Variants in NDC80 observed in about 807,000 individuals in gnomAD.
The protein encoded by NDC80 is NDC80 kinetochore complex component.
In NDC80, 69 loss-of-function variants were observed where a neutral mutation model predicts 89.3. The ratio of observed to expected loss-of-function variants is 0.77; its 90% confidence interval spans 0.64 to 0.94. The LOEUF (loss-of-function observed/expected upper bound fraction) is 0.94, where lower values mean the gene tolerates loss of function less well. NDC80 is among the 40% of genes least tolerant of loss of function. NDC80 has a pLI of 0.00. For missense variants in NDC80, 593 were observed against 739.6 expected (o/e 0.80, Z 2.30); for synonymous variants, 243 against 255.6 (o/e 0.95, Z 0.47).
chr18:2,613,426 T>G lies in NDC80; in HGVS notation c.1791+2565T>G, dbSNP rs76759764. On this transcript the variant is annotated intron_variant, in intron 16 of 16. Coordinates refer to ENST00000261597, the MANE Select transcript of NDC80 (RefSeq NM_006101.3). ...CTGTAATAACTAGCACATTGTAGTA[T>G]TGATGCAGAAAGACCAGTCTCTGTG... Among the ~76,000 whole-genome samples, 1,160 of 152,298 alleles carry G rather than the reference T, an allele frequency of 7.6e-3. 23 individuals carry two copies. The highest frequency in any genetic ancestry group is 0.026 in the African/African-American group (1,100 of 41,538).
chr18:2,579,711 G>A (rs1182475361), intron 6 of NDC80, among the ~76,000 whole-genome samples: 1 of 152,228 alleles, frequency 6.6e-6, no homozygotes, highest in Admixed American at 6.5e-5. Flanking sequence ...ACAGGCCTAA[G>A]CCACCATGAC....
At chr18:2,591,100 A>C (rs913313747) in intron 10 of NDC80, among the ~76,000 whole-genome samples, 1 of 152,114 alleles carries the variant, frequency 6.6e-6, no homozygotes, top group African/African-American at 2.4e-5. Flanking sequence ...GCTATCCTCC[A>C]TCACTACCGC....
At chr18:2,605,818 G>A (rs2072708619) in intron 13 of NDC80, among the ~76,000 whole-genome samples, 1 of 151,880 alleles carries the variant, frequency 6.6e-6, no homozygotes, top group African/African-American at 2.4e-5. Flanking sequence ...TCTATTAATT[G>A]CTGACATCAA....
At chr18:2,605,397 G>A (rs2072706423) in intron 13 of NDC80, among the ~76,000 whole-genome samples, 1 of 151,140 alleles carries the variant, frequency 6.6e-6, no homozygotes, top group South Asian at 2.1e-4. Flanking sequence ...TGCAGCTTTA[G>A]TAATGCTGAC....
intron 15 of NDC80, among the ~76,000 whole-genome samples, chr18:2,610,274 T>G (rs2072735882): frequency 6.6e-6 from 1 of 152,162 alleles, no homozygotes; most frequent in Admixed American, 6.5e-5. Context: ...AACTGAAAAA[T>G]TTTCTATTTT....
chr18:2,574,696 G>T (rs1293817895), intron 2 of NDC80, among the ~76,000 whole-genome samples: 2 of 151,976 alleles, frequency 1.3e-5, no homozygotes, highest in Non-Finnish European at 2.9e-5. Flanking sequence ...TATTAAAAAT[G>T]AGATGAGTAA....
chr18:2,575,477 G>C (rs1332611450), intron 3 of NDC80, among the ~76,000 whole-genome samples: 1 of 151,988 alleles, frequency 6.6e-6, no homozygotes, highest in Admixed American at 6.6e-5. Flanking sequence ...AGCCAGGCAG[G>C]CATGCAGACC....
chr18:2,611,008 A>T, intron 16 of NDC80, 147 bp downstream of exon 16: 1 of 374,976 alleles, frequency 2.7e-6, no homozygotes, highest in Non-Finnish European at 4.7e-6. Flanking sequence ...AATCTTGTCT[A>T]GTGATGTGGC....
chr18:2,604,914 G>A (rs1410472491), intron 13 of NDC80, among the ~76,000 whole-genome samples: 1 of 152,094 alleles, frequency 6.6e-6, no homozygotes, highest in East Asian at 1.9e-4. Context: ...GAATAGATGA[G>A]AGGTGCATGA....
Position 2,573,102 on chromosome 18 carries a change from G to A in NDC80, c.101+16G>A. 6.3e-7 allele frequency: 1 copy of A among 1,589,462 alleles called. No homozygotes were observed. The highest frequency in any genetic ancestry group is 8.6e-7 in the Non-Finnish European group (1 of 1,163,284). On this transcript the variant is annotated intron_variant, in intron 2 of 16. Transcript: ENST00000261597. ...CCCCTCAAACGTGAGTATTTCCCTT[G>A]TGGTTCTAATTTGCATGCTTTATCA... is the stretch of plus-strand genomic sequence containing the variant.
chr18:2,574,534 A>G (rs1333151158), intron 2 of NDC80, among the ~76,000 whole-genome samples: 1 of 152,196 alleles, frequency 6.6e-6, no homozygotes, highest in Admixed American at 6.5e-5. Flanking sequence ...AAAATCAGAA[A>G]GTAATAATAA....
chr18:2,573,230 A>G (rs757556583), intron 2 of NDC80, 144 bp downstream of exon 2: 21 of 625,142 alleles, frequency 3.4e-5, no homozygotes, highest in Non-Finnish European at 5.3e-5. Flanking sequence ...TTTTGGATCA[A>G]TGAAATCTAA....
chr18:2,593,350 T>C (rs1046325298), intron 10 of NDC80, among the ~76,000 whole-genome samples: 5 of 152,196 alleles, frequency 3.3e-5, no homozygotes, highest in Non-Finnish European at 5.9e-5. Context: ...GTATAAATTA[T>C]ATTCTTATGC....
At chr18:2,583,200 A>G (rs1444817734) in intron 6 of NDC80, among the ~76,000 whole-genome samples, 1 of 152,216 alleles carries the variant, frequency 6.6e-6, no homozygotes, top group Non-Finnish European at 1.5e-5. Context: ...CCTAGTTCAC[A>G]ATTCTTCAGT....
intron 13 of NDC80, among the ~76,000 whole-genome samples, chr18:2,605,653 A>AATAATAG (rs559640819): frequency 2.1e-4 from 32 of 152,120 alleles, no homozygotes; most frequent in African/African-American, 7.5e-4. Context: ...TGTAGCAAAT[A>AATAATAG]ATAATAGCTT....
chr18:2,594,649 C>T (rs1306767744), intron 10 of NDC80: 1 of 154,422 alleles, frequency 6.5e-6, no homozygotes. Flanking sequence ...ATCCCCACTT[C>T]TAGGCAACTG....
intron 7 of NDC80, among the ~76,000 whole-genome samples, chr18:2,586,311 A>G (rs1048322469): frequency 6.6e-6 from 1 of 152,154 alleles, no homozygotes; most frequent in African/African-American, 2.4e-5. Context: ...CCCAGTTGGA[A>G]AGGCTCCTAG....
rs1319162257 is a variant in NDC80 at position 2,578,000 on chromosome 18, T to C, written c.335T>C (p.Val112Ala). Residue 112 changes from valine to alanine, a missense_variant, in exon 5 of 17, where the codon GTG (valine) becomes GCG (alanine). Transcript: ENST00000261597. Reference sequence around the variant, plus strand: ...ACAGAAAATGGTTATGCACATAATGTGTCCATGAAATCTCTACAAGCTCCC... The same window carrying C: ...ACAGAAAATGGTTATGCACATAATGCGTCCATGAAATCTCTACAAGCTCCC... Reference protein sequence around the residue: ...FLTENGYAHNVSMKSLQAPSV... With the variant: ...FLTENGYAHNASMKSLQAPSV... 1 of 1,614,030 alleles carries C rather than the reference T, an allele frequency of 6.2e-7. No individual in the cohort carries two copies. Among genetic ancestry groups the C allele is most frequent in the East Asian group, 2.2e-5 (1 of 44,854 alleles).
At chr18:2,607,170 T>C (rs962706338) in intron 14 of NDC80, among the ~76,000 whole-genome samples, 3 of 152,196 alleles carry the variant, frequency 2.0e-5, no homozygotes, top group Admixed American at 1.3e-4. Context: ...TCTTAAACGG[T>C]GTGAAATGTT....
Sources: gnomAD v4.1 joint callset for allele counts (sites outside exome capture counted in the v4.1 genomes callset) on GRCh38, gnomAD v4.1.1 for gene constraint, MANE v1.5 for transcripts, NCBI Gene and HGNC (gene_info 2026-07-23, HGNC 2026-07-21) for gene names.